Variants in C2orf92 observed in about 807,000 individuals in gnomAD.
C2orf92 encodes the protein uncharacterized protein C2orf92.
chr2:97,682,170 G>A (rs1004338941), intron 3 of C2orf92, among the ~76,000 whole-genome samples: 2 of 152,062 alleles, frequency 1.3e-5, no homozygotes, highest in Non-Finnish European at 2.9e-5. Context: ...TTTAATGAGA[G>A]AAGAATATAA....
intron 3 of C2orf92, among the ~76,000 whole-genome samples, chr2:97,676,598 G>GC (rs1675593647): frequency 6.6e-6 from 1 of 151,140 alleles, no homozygotes; most frequent in African/African-American, 2.4e-5. Context: ...CTAAAAAAAC[G>GC]CCCCCCTCCC....
chr2:97,665,770 T>C (rs922267572), upstream of C2orf92: 1 of 139,268 alleles, frequency 7.2e-6, no homozygotes, highest in Non-Finnish European at 1.5e-5. Context: ...TATATATATA[T>C]ATATTTTGTT....
At chr2:97,700,745 A>G (rs1676465821) in intron 6 of C2orf92, among the ~76,000 whole-genome samples, 1 of 147,958 alleles carries the variant, frequency 6.8e-6, no homozygotes. Flanking sequence ...TTTTTTTGAG[A>G]TGGAGTCTCA....
chr2:97,701,399 G>C (rs1676493148), intron 7 of C2orf92, 95 bp downstream of exon 7: 1 of 393,910 alleles, frequency 2.5e-6, no homozygotes, highest in African/African-American at 2.1e-5. Context: ...TTTACGAGGA[G>C]GGCAGAAGCT....
At chr2:97,685,830 T>C (rs923531079) in intron 3 of C2orf92, among the ~76,000 whole-genome samples, 1 of 152,220 alleles carries the variant, frequency 6.6e-6, no homozygotes, top group Non-Finnish European at 1.5e-5. Flanking sequence ...CCCAAAGTGC[T>C]GGGATTACAG....
At chr2:97,679,586 A>G (rs970213418) in intron 3 of C2orf92, among the ~76,000 whole-genome samples, 1 of 152,152 alleles carries the variant, frequency 6.6e-6, no homozygotes, top group African/African-American at 2.4e-5. Flanking sequence ...TTATGCCTGT[A>G]ATCCCAGCCA....
intron 3 of C2orf92, among the ~76,000 whole-genome samples, chr2:97,683,894 T>C (rs1675865016): frequency 6.6e-6 from 1 of 152,122 alleles, no homozygotes; most frequent in Admixed American, 6.6e-5. Flanking sequence ...TCTCACTCTG[T>C]CGCCCAGGCT....
At chr2:97,685,249 TTTTCTTTC>T (rs908606642) in intron 3 of C2orf92, among the ~76,000 whole-genome samples, 1 of 150,244 alleles carries the variant, frequency 6.7e-6, no homozygotes, top group East Asian at 2.0e-4. Context: ...ATTTTGGTTT[TTTTCTTTC>T]TTTCTTTCTT....
At chr2:97,698,392 A>G (rs892579279) in intron 5 of C2orf92, among the ~76,000 whole-genome samples, 3 of 152,152 alleles carry the variant, frequency 2.0e-5, no homozygotes, top group Non-Finnish European at 4.4e-5. Context: ...GGATGCAAAT[A>G]TTTCTCATTT....
chr2:97,667,276 T>A (rs942928459), upstream of C2orf92, among the ~76,000 whole-genome samples: 18 of 150,872 alleles, frequency 1.2e-4, no homozygotes, highest in South Asian at 2.1e-4. Context: ...TTATTTTTTT[T>A]TTTTTTGAGA....
At chr2:97,690,853 C>T (rs1259124726) in intron 5 of C2orf92, 1 of 150,714 alleles carries the variant, frequency 6.6e-6, no homozygotes, top group Non-Finnish European at 1.5e-5. Flanking sequence ...CATCTCAGCT[C>T]ACTGCAAACT....
intron 5 of C2orf92, among the ~76,000 whole-genome samples, chr2:97,696,712 G>T (rs1476210916): frequency 6.6e-6 from 1 of 152,198 alleles, no homozygotes; most frequent in Admixed American, 6.5e-5. Flanking sequence ...CTCCAGCCTG[G>T]GGGACAGAGA....
At chr2:97,688,563 T>A (rs1205088118) in intron 3 of C2orf92, among the ~76,000 whole-genome samples, 3 of 152,150 alleles carry the variant, frequency 2.0e-5, no homozygotes, top group African/African-American at 7.2e-5. Flanking sequence ...TTTTTATGAG[T>A]CATCTTGCGA....
upstream of C2orf92, chr2:97,665,735 C>CTATA (rs1559293253): frequency 5.8e-5 from 1 of 17,294 alleles, no homozygotes; most frequent in African/African-American, 2.3e-4. Context: ...CTCTCTCTCT[C>CTATA]TCTATATATA....
At chr2:97,665,565 G>T (rs570871681), upstream of C2orf92, among the ~76,000 whole-genome samples, 3 of 151,974 alleles carry the variant, frequency 2.0e-5, no homozygotes, top group South Asian at 6.3e-4. Flanking sequence ...TTATAGAGGG[G>T]TCTTATCTAT....
chr2:97,681,578 A>G (rs536647366), intron 3 of C2orf92, among the ~76,000 whole-genome samples: 28 of 152,308 alleles, frequency 1.8e-4, no homozygotes, highest in African/African-American at 6.5e-4. Context: ...GCATTCATTA[A>G]AAAAGAGGAT....
chr2:97,688,818 T>G (rs577433677), intron 3 of C2orf92, 77 bp from the exon 4 acceptor site: 1 of 398,230 alleles, frequency 2.5e-6, no homozygotes, highest in African/African-American at 2.1e-5. Flanking sequence ...ATTCATAGAC[T>G]GCTTTAGGTA....
intron 3 of C2orf92, among the ~76,000 whole-genome samples, chr2:97,685,341 C>T (rs1375042365): frequency 7.3e-5 from 11 of 149,990 alleles, no homozygotes; most frequent in Non-Finnish European, 1.2e-4. Flanking sequence ...TCTCGGCTCA[C>T]TGCAAACTCT....
At position 97,699,017 on chromosome 2, in the gene C2orf92, C is replaced by A; in HGVS notation, c.404-9C>A. 2.5e-6 allele frequency: 1 copy of A among 398,458 alleles called. No individual in the cohort carries two copies. Among genetic ancestry groups the A allele is most frequent in the South Asian group, 1.3e-4 (1 of 7,850 alleles). The allele number at this position is 398,458 out of a possible 1,614,324, so 24.7% of individuals were successfully genotyped here. On this transcript the variant is annotated splice_polypyrimidine_tract_variant and intron_variant, in intron 5 of 7. Transcript: ENST00000627399. Reference sequence around the variant, plus strand: ...TTGTTTGTAGATGAACACATTTTATCTTTTGTAGATCACCTTTCAGAGGAG... The same window carrying A: ...TTGTTTGTAGATGAACACATTTTATATTTTGTAGATCACCTTTCAGAGGAG...
Sources: gnomAD v4.1 joint callset for allele counts (sites outside exome capture counted in the v4.1 genomes callset) on GRCh38, gnomAD v4.1.1 for gene constraint, MANE v1.5 for transcripts, NCBI Gene and HGNC (gene_info 2026-07-23, HGNC 2026-07-21) for gene names.